Variants in DLG5 observed in about 807,000 individuals in gnomAD.
DLG5 encodes the protein discs large MAGUK scaffold protein 5, also known as disks large homolog 5.
A neutral mutation model predicts 189.8 loss-of-function variants in DLG5; 48 were observed. The observed-to-expected ratio is 0.25, with a 90% CI of 0.20 to 0.32. DLG5 has a LOEUF of 0.32. Ranked by LOEUF, DLG5 falls within the 10% of genes least tolerant of loss-of-function variation. The pLI is 1.00. For synonymous variants in DLG5, 1,016 were observed against 1,054.1 expected, an observed-to-expected ratio of 0.96 and a Z score of 0.70; for missense variants, 2,160 against 2,544.7, an observed-to-expected ratio of 0.85 and a Z score of 3.25.
At chr10:77,799,200 C>T (rs1022499647) in intron 27 of DLG5, among the ~76,000 whole-genome samples, 11 of 152,296 alleles carry the variant, frequency 7.2e-5, no homozygotes, top group African/African-American at 2.6e-4. Context: ...CTAATCAGGG[C>T]AGAGCAAAGG....
At chr10:77,909,504 A>T (rs1292169638) in intron 1 of DLG5, among the ~76,000 whole-genome samples, 3 of 148,636 alleles carry the variant, frequency 2.0e-5, no homozygotes, top group African/African-American at 7.4e-5. Flanking sequence ...TAAAGGTATT[A>T]AAAAAAAAAT....
At position 77,843,443 on chromosome 10, in the gene DLG5, C is replaced by T; in HGVS notation, c.1124+4G>A. The T allele has an allele frequency of 2.5e-6, 4 of 1,613,288 alleles. No homozygotes were observed. The highest frequency in any genetic ancestry group is 1.7e-6 in the Non-Finnish European group (2 of 1,180,030). ...CCCCCGGCCCCCGATGGCCCTAGCC[C>T]TACCTCCTCAGGGAGAGGGCGCACT... On this transcript the variant is annotated splice_donor_region_variant and intron_variant, in intron 6 of 31. Transcript: ENST00000372391.
At chr10:77,901,583 C>T (rs943894624) in intron 1 of DLG5, among the ~76,000 whole-genome samples, 3 of 152,234 alleles carry the variant, frequency 2.0e-5, no homozygotes, top group Admixed American at 6.5e-5. Flanking sequence ...TCCACGCTGA[C>T]GGGTGGGGAG....
intron 1 of DLG5, among the ~76,000 whole-genome samples, chr10:77,923,112 T>C (rs1000116782): frequency 1.3e-5 from 2 of 152,228 alleles, no homozygotes; most frequent in African/African-American, 4.8e-5. Context: ...AGGTGGGTGA[T>C]GGCATCATCT....
intron 7 of DLG5, among the ~76,000 whole-genome samples, chr10:77,838,681 C>G (rs1843267965): frequency 6.6e-6 from 1 of 152,188 alleles, no homozygotes; most frequent in Admixed American, 6.5e-5. Flanking sequence ...TGAAGCCCAG[C>G]CCTCGGGCTG....
At chr10:77,818,327 G>A (rs1390730573) in intron 17 of DLG5, among the ~76,000 whole-genome samples, 1 of 152,126 alleles carries the variant, frequency 6.6e-6, no homozygotes. Flanking sequence ...GGCAGAGCAG[G>A]GATCGCCCAC....
At chr10:77,851,886 G>A (rs1249925715) in intron 5 of DLG5, among the ~76,000 whole-genome samples, 1 of 152,216 alleles carries the variant, frequency 6.6e-6, no homozygotes, top group Non-Finnish European at 1.5e-5. Flanking sequence ...GGTCGCCCCA[G>A]AGGGGATATC....
Position 77,796,360 on chromosome 10 carries a change from G to A in DLG5, c.5308+91C>T. ...ACTGTGAAATCTGCCCCCCGGTACT[G>A]CCACCCACTGTGCACAGCTGGGCAG... On this transcript the variant is annotated intron_variant, in intron 28 of 31. Coordinates refer to ENST00000372391, the MANE Select transcript of DLG5 (RefSeq NM_004747.4). This position sits in a 1 kb window ranked among gnomAD's most constrained non-coding sequence, Gnocchi z 5.2. The A allele has an allele frequency of 6.3e-7, 1 of 1,598,498 alleles. No homozygotes were observed. Among genetic ancestry groups the A allele is most frequent in the Non-Finnish European group, 8.5e-7 (1 of 1,169,656 alleles).
chr10:77,933,232 C>T, the DLG5 span, among the ~76,000 whole-genome samples: 1,457 of 152,128 alleles, frequency 9.6e-3, 20 homozygotes, highest in African/African-American at 0.033. Context: ...TAAGGTTTAT[C>T]AGTGTGTATT....
At chr10:77,903,546 A>G (rs1373735148) in intron 1 of DLG5, among the ~76,000 whole-genome samples, 1 of 150,326 alleles carries the variant, frequency 6.7e-6, no homozygotes, top group South Asian at 2.1e-4. Flanking sequence ...TGAACCTGGG[A>G]GGCAGAGGTT....
At chr10:77,918,880 G>A (rs903811386) in intron 1 of DLG5, among the ~76,000 whole-genome samples, 1 of 151,980 alleles carries the variant, frequency 6.6e-6, no homozygotes, top group African/African-American at 2.4e-5. Flanking sequence ...CCCTCGCATG[G>A]GGCAGAACAT....
intron 5 of DLG5, 30 bp from the exon 6 acceptor site, chr10:77,843,736 G>A: frequency 3.1e-6 from 5 of 1,612,396 alleles, no homozygotes; most frequent in Non-Finnish European, 4.2e-6. Flanking sequence ...ACTTACCAAG[G>A]GTCTGTGGGA....
At position 77,817,074 on chromosome 10, in the gene DLG5, G is replaced by T. The variant is rs754531020; in HGVS notation, c.3807C>A (p.Phe1269Leu). 6.2e-7 allele frequency: 1 copy of T among 1,614,154 alleles called. No individual in the cohort carries two copies. Among genetic ancestry groups the T allele is most frequent in the East Asian group, 2.2e-5 (1 of 44,882 alleles). ...ARLGSSSNLQFKAERIKIPST... is the reference protein window; with the variant it reads ...ARLGSSSNLQLKAERIKIPST... ...ATGGGATTTTAATGCGTTCCGCCTTGAACTGCAAGTTACTCGAAGAACCTA... is the reference window on the plus strand; with the variant it reads ...ATGGGATTTTAATGCGTTCCGCCTTTAACTGCAAGTTACTCGAAGAACCTA... Residue 1269 changes from phenylalanine (F) to leucine (L), a missense_variant, in exon 19 of 32, where the codon TTC becomes TTA. Physicochemically the swap from Phe to Leu is conservative, Grantham distance 22. Coordinates refer to ENST00000372391, the MANE Select transcript of DLG5 (RefSeq NM_004747.4).
chr10:77,937,538 G>T, the DLG5 span, among the ~76,000 whole-genome samples: 1 of 151,956 alleles, frequency 6.6e-6, no homozygotes, highest in Non-Finnish European at 1.5e-5. Context: ...CCTGAGAATT[G>T]AAAAAACCAA....
intron 1 of DLG5, among the ~76,000 whole-genome samples, chr10:77,875,569 G>A (rs191046876): frequency 1.2e-4 from 18 of 152,304 alleles, no homozygotes; most frequent in African/African-American, 4.3e-4. Context: ...TGCCTGCAGA[G>A]GGGAGTCGCA....
rs746763859 is a variant in DLG5, at chr10:77,830,806, C to T, written c.1816G>A (p.Asp606Asn). 2.5e-6 allele frequency: 4 copies of T among 1,614,202 alleles called. No individual in the cohort carries two copies. The highest frequency in any genetic ancestry group is 2.5e-6 in the Non-Finnish European group (3 of 1,180,048). Reference sequence around the variant, plus strand: ...ATGGAATCCGTGTCAATGGCCGAGTCGTGGGAGCTGTGGGCCATCAGCTGT... The same window carrying T: ...ATGGAATCCGTGTCAATGGCCGAGTTGTGGGAGCTGTGGGCCATCAGCTGT... ...FRQLMAHSSH[D>N]SAIDTDSMEW... Residue 606 changes from aspartate (D) to asparagine (N), a missense_variant, in exon 10 of 32, where the codon GAC becomes AAC. Transcript: ENST00000372391.
At chr10:77,819,533 T>C (rs1003495261) in intron 16 of DLG5, 68 bp from the exon 17 acceptor site, 1 of 1,537,490 alleles carries the variant, frequency 6.5e-7, no homozygotes, top group Admixed American at 2.0e-5. Context: ...ACACAAGCCT[T>C]TCCCCTGTAT....
At chr10:77,876,242 T>A (rs1845083828) in intron 1 of DLG5, among the ~76,000 whole-genome samples, 1 of 152,084 alleles carries the variant, frequency 6.6e-6, no homozygotes, top group African/African-American at 2.4e-5. Context: ...TCACCTATCT[T>A]TAAAAGGTAA....
At chr10:77,836,682 T>C (rs1370135589) in intron 7 of DLG5, among the ~76,000 whole-genome samples, 1 of 152,182 alleles carries the variant, frequency 6.6e-6, no homozygotes, top group Non-Finnish European at 1.5e-5. Flanking sequence ...AGTCAGTTGA[T>C]AATTCCCCTC....
Sources: gnomAD v4.1 joint callset for allele counts (sites outside exome capture counted in the v4.1 genomes callset) on GRCh38, gnomAD v4.1.1 for gene constraint, Gnocchi (gnomAD v3.1) non-coding constraint, MANE v1.5 for transcripts, NCBI Gene and HGNC (gene_info 2026-07-23, HGNC 2026-07-21) for gene names.